The following TRPM6 variants were observed in gnomAD, a reference collection of about 807,000 sequenced individuals.
TRPM6 encodes transient receptor potential cation channel subfamily M member 6.
TRPM6 carries 111 observed loss-of-function variants against 247.6 expected under a neutral mutation model. That is an observed-to-expected ratio of 0.45 (90% CI 0.38 to 0.52). The LOEUF (loss-of-function observed/expected upper bound fraction) is 0.52. Ranked by LOEUF, TRPM6 falls within the 20% of genes least tolerant of loss-of-function variation. The pLI is 0.00. For synonymous variants in TRPM6, 892 were observed against 853.8 expected (o/e 1.04, Z -0.78); for missense variants, 2,126 against 2,421.5 (o/e 0.88, Z 2.56).
Position 74,739,873 on chromosome 9 carries a change from G to A in TRPM6, c.5337C>T (p.Leu1779=), listed in dbSNP as rs763825405. 54 of 1,614,098 alleles carry A rather than the reference G, an allele frequency of 3.3e-5. No individual in the cohort carries two copies. Among genetic ancestry groups the A allele is most frequent in the Non-Finnish European group, 4.2e-5 (50 of 1,179,998 alleles). ...TGCTGACGACTCTCATAGCTTTACG[G>A]AGGCCCCCATCCATCTCCTCTCGGG... ...VLSREEMDGG[L]RKAMRVVSTW... is the part of the protein sequence containing the mutation. Residue 1779 remains leucine, a synonymous_variant, in exon 34 of 39, where the codon CTC becomes CTT. Coordinates refer to ENST00000360774, the MANE Select transcript of TRPM6 (RefSeq NM_017662.5).
At chr9:74,753,191 G>A (rs556498593) in intron 28 of TRPM6, among the ~76,000 whole-genome samples, 220 of 151,636 alleles carry the variant, frequency 1.5e-3, no homozygotes, top group Non-Finnish European at 2.6e-3. Context: ...AGGATGATGA[G>A]GTTCATTACT....
chr9:74,748,714 T>C (rs925377098), intron 30 of TRPM6, among the ~76,000 whole-genome samples: 6 of 152,264 alleles, frequency 3.9e-5, no homozygotes, highest in Non-Finnish European at 8.8e-5. Context: ...TTAAGTGTTA[T>C]TGTAAAAGAG....
chr9:74,772,969 CAAA>C, intron 24 of TRPM6, among the ~76,000 whole-genome samples: 1 of 151,598 alleles, frequency 6.6e-6, no homozygotes, highest in Non-Finnish European at 1.5e-5. Flanking sequence ...AACAAACAAA[CAAA>C]AAAAATTAGC....
intron 14 of TRPM6, chr9:74,804,913 G>A: frequency 6.6e-6 from 2 of 303,698 alleles, no homozygotes; most frequent in Admixed American, 4.8e-5. Context: ...AAATATTTAT[G>A]GAAAATAAAG....
At chr9:74,783,993 C>T (rs1007609556) in intron 21 of TRPM6, among the ~76,000 whole-genome samples, 3 of 152,186 alleles carry the variant, frequency 2.0e-5, no homozygotes, top group South Asian at 2.1e-4. Context: ...CAGTAGCTCA[C>T]GCCTGTAATC....
intron 13 of TRPM6, among the ~76,000 whole-genome samples, chr9:74,809,703 G>A (rs1348060634): frequency 1.3e-5 from 2 of 152,116 alleles, no homozygotes; most frequent in Non-Finnish European, 2.9e-5. Context: ...AATAGGTGGA[G>A]CACGATGGAC....
intron 23 of TRPM6, among the ~76,000 whole-genome samples, chr9:74,776,687 A>T (rs1827234665): frequency 6.6e-6 from 1 of 152,330 alleles, no homozygotes; most frequent in Non-Finnish European, 1.5e-5. Context: ...GTGAATGTTG[A>T]TATTATAGAA....
chr9:74,744,282 T>A, intron 31 of TRPM6, 137 bp from the exon 32 acceptor site: 1 of 938,870 alleles, frequency 1.1e-6, no homozygotes, highest in South Asian at 1.3e-5. Flanking sequence ...GCTTGCCTAA[T>A]ATTTTTTAAC....
chr9:74,835,395 C>T (rs190928050), intron 5 of TRPM6, among the ~76,000 whole-genome samples: 2 of 152,000 alleles, frequency 1.3e-5, no homozygotes, highest in Non-Finnish European at 2.9e-5. Flanking sequence ...TTTTTTATGC[C>T]TAATCTTACC....
chr9:74,825,903 C>G (rs143730892), intron 7 of TRPM6, among the ~76,000 whole-genome samples: 1 of 152,134 alleles, frequency 6.6e-6, no homozygotes, highest in African/African-American at 2.4e-5. Flanking sequence ...TCCCTCTGCT[C>G]TGCTGGTCTC....
At chr9:74,737,496 C>A (rs1458057278) in intron 36 of TRPM6, 2 of 1,182,772 alleles carry the variant, frequency 1.7e-6, no homozygotes, top group East Asian at 1.1e-4. Context: ...GTTGTTTAAA[C>A]AAACCATAAG....
Position 74,750,703 on chromosome 9 carries a change from A to G in TRPM6, c.5018T>C (p.Leu1673Ser), listed in dbSNP as rs56254742. The change falls in exon 30 of 39, where the codon TTG becomes TCG. Residue 1673 changes from leucine (L) to serine (S), a missense_variant. Around this residue, in one of 3 missense-constraint regions of TRPM6, gnomAD observed 717 missense variants for 715.9 expected, o/e 1.00. Transcript: ENST00000360774. ...GAGGTTGGTGCTCCTGGAATTCCAC[A>G]AAGAGTTTTTGCTGAGATCCTGAGC... Reference protein sequence around the residue: ...QSQEDLSKNSLWNSRSTNLNR... With the variant: ...QSQEDLSKNSSWNSRSTNLNR... 7.4e-6 allele frequency: 12 copies of G among 1,613,812 alleles called. No individual in the cohort carries two copies. Among genetic ancestry groups the G allele is most frequent in the Non-Finnish European group, 5.1e-6 (6 of 1,179,832 alleles).
chr9:74,724,621 G>T lies in TRPM6; in HGVS notation c.6061C>A (p.Gln2021Lys). ...TGRNSPEDDM[Q>K]L ...TTCTTGCTCCTCCCTTTTTATAGTT[G>T]CATATCATCTTCTGGGGAATTTCTA... The change falls in exon 39 of 39, where the codon CAA becomes AAA. Residue 2021 changes from glutamine (Q) to lysine (K), a missense_variant. Coordinates refer to ENST00000360774, the MANE Select transcript of TRPM6 (RefSeq NM_017662.5). 6.2e-7 allele frequency: 1 copy of T among 1,614,144 alleles called. No homozygotes were observed. The highest frequency in any genetic ancestry group is 8.5e-7 in the Non-Finnish European group (1 of 1,180,028).
intron 17 of TRPM6, among the ~76,000 whole-genome samples, chr9:74,798,202 A>G (rs1406554773): frequency 1.3e-5 from 2 of 152,204 alleles, no homozygotes; most frequent in Admixed American, 1.3e-4. Flanking sequence ...AAGAAGATTT[A>G]AATTGACTAG....
At chr9:74,825,509 T>C (rs915531826) in intron 7 of TRPM6, among the ~76,000 whole-genome samples, 2 of 151,896 alleles carry the variant, frequency 1.3e-5, no homozygotes, top group Non-Finnish European at 2.9e-5. Flanking sequence ...AGGTGGCTTC[T>C]TGTTTTTGCT....
chr9:74,816,906 GTT>G lies in TRPM6; in HGVS notation c.1191_1192del (p.Thr398SerfsTer34), dbSNP rs1828954772. 1 of 1,613,922 alleles carries G rather than the reference GTT, an allele frequency of 6.2e-7. No individual in the cohort carries two copies. Among genetic ancestry groups the G allele is most frequent in the African/African-American group, 1.3e-5 (1 of 74,928 alleles). On this transcript the variant is annotated frameshift_variant, in exon 10 of 39. Transcript: ENST00000360774. LOFTEE classifies it high-confidence loss of function. ...CAGATACTCACCCTTCAGCAAAGCT[GTT>G]AGGATTGCTAAGTCCAGGTCTTGCT...
At chr9:74,862,689 T>C (rs762614560) in intron 1 of TRPM6, among the ~76,000 whole-genome samples, 3 of 152,172 alleles carry the variant, frequency 2.0e-5, no homozygotes, top group Non-Finnish European at 4.4e-5. Flanking sequence ...TAAAAATTTA[T>C]ACATAAAATT....
Position 74,724,521 on chromosome 9 carries a change from C to T in TRPM6, c.*92G>A, listed in dbSNP as rs1825250628. ...TCAGAAGGCGTGTCCCAAGGAGACGCTGATGTAATCAACATCACGTTGATC... is the reference window on the plus strand; with the variant it reads ...TCAGAAGGCGTGTCCCAAGGAGACGTTGATGTAATCAACATCACGTTGATC... On this transcript the variant is annotated 3_prime_UTR_variant, in exon 39 of 39. Transcript: ENST00000360774. The T allele has an allele frequency of 6.4e-7, 1 of 1,569,206 alleles. No individual in the cohort carries two copies. Among genetic ancestry groups the T allele is most frequent in the African/African-American group, 1.4e-5 (1 of 73,926 alleles).
intron 14 of TRPM6, among the ~76,000 whole-genome samples, chr9:74,806,486 T>C (rs1250202266): frequency 2.0e-5 from 3 of 152,118 alleles, no homozygotes; most frequent in African/African-American, 7.2e-5. Context: ...AAATTGAACA[T>C]AGAAATGATG....
Sources: allele counts gnomAD v4.1 joint callset (sites outside exome capture counted in the v4.1 genomes callset), GRCh38; gene constraint gnomAD v4.1.1; regional missense constraint gnomAD v4.1.1; transcripts MANE v1.5; gene names NCBI Gene and HGNC (gene_info 2026-07-23, HGNC 2026-07-21).